Variants in L2HGDH observed in about 807,000 individuals in gnomAD.
L2HGDH encodes the protein L-2-hydroxyglutarate dehydrogenase.
A neutral mutation model predicts 51.5 loss-of-function variants in L2HGDH; 34 were observed. The observed-to-expected ratio is 0.66, with a 90% CI of 0.50 to 0.88. L2HGDH has a LOEUF of 0.88. Ranked by LOEUF, L2HGDH falls within the 40% of genes least tolerant of loss-of-function variation. The pLI, the probability that L2HGDH is intolerant of heterozygous loss-of-function variation, is 0.00. For missense variants in L2HGDH, 558 were observed against 571.9 expected, an observed-to-expected ratio of 0.98 and a Z score of 0.25; for synonymous variants, 198 against 197.9, an observed-to-expected ratio of 1.00 and a Z score of -0.01.
chr14:50,291,248 T>C (rs1156770420), intron 4 of L2HGDH, among the ~76,000 whole-genome samples: 1 of 151,026 alleles, frequency 6.6e-6, no homozygotes, highest in Admixed American at 6.6e-5. Flanking sequence ...TTTTTAGTTT[T>C]CAGGCCATAC....
rs746609687 is a variant in L2HGDH, at chr14:50,267,923, C to T, written c.907-13G>A. ...GGCTATCTGGGACCTATAAATTTAA[C>T]ATAGTAAATAACAGCCTCATTTCAC... On this transcript the variant is annotated splice_polypyrimidine_tract_variant and intron_variant, in intron 7 of 9. Coordinates refer to ENST00000267436, the MANE Select transcript of L2HGDH (RefSeq NM_024884.3). The T allele has an allele frequency of 1.4e-5, 22 of 1,612,376 alleles. No individual in the cohort carries two copies. Among genetic ancestry groups the T allele is most frequent in the Non-Finnish European group, 1.6e-5 (19 of 1,178,552 alleles).
chr14:50,287,079 C>G, intron 4 of L2HGDH: 2 of 613,620 alleles, frequency 3.3e-6, no homozygotes, highest in Non-Finnish European at 4.1e-6. Flanking sequence ...GCTGTGTGAC[C>G]CTGGGAAAGT....
chr14:50,270,492 T>G (rs1889608441), intron 6 of L2HGDH, among the ~76,000 whole-genome samples: 1 of 150,628 alleles, frequency 6.6e-6, no homozygotes, highest in African/African-American at 2.4e-5. Context: ...GCCTTACTGT[T>G]TTGTTGTTGT....
chr14:50,293,342 C>G (rs184271356), intron 4 of L2HGDH: 146 of 690,662 alleles, frequency 2.1e-4, no homozygotes, highest in Admixed American at 1.5e-3. Flanking sequence ...AAAATCAATT[C>G]CAAATGGACT....
At chr14:50,278,240 T>C (rs538505013) in intron 6 of L2HGDH, among the ~76,000 whole-genome samples, 148 of 152,302 alleles carry the variant, frequency 9.7e-4, no homozygotes, top group Non-Finnish European at 1.7e-3. Flanking sequence ...TTAGTGGAGA[T>C]CAGTAGATAG....
chr14:50,271,405 A>G (rs965167195), intron 6 of L2HGDH, among the ~76,000 whole-genome samples: 25 of 152,228 alleles, frequency 1.6e-4, no homozygotes, highest in African/African-American at 6.0e-4. Flanking sequence ...ACAGTTCCCA[A>G]GAAAGAAATT....
chr14:50,298,043 A>G (rs1379004746), intron 3 of L2HGDH, among the ~76,000 whole-genome samples: 1 of 152,102 alleles, frequency 6.6e-6, no homozygotes, highest in Non-Finnish European at 1.5e-5. Flanking sequence ...CAGGAGTTTA[A>G]GACCAGCCTA....
In L2HGDH at chr14:50,267,666, C is replaced by T. The variant is rs1246144390; in HGVS notation, c.1064+87G>A. On this transcript the variant is annotated intron_variant, in intron 8 of 9. Transcript: ENST00000267436. ...ACCAATCACAAATATGGGGATTTAC[C>T]CAATAAGTAGAGTATCAAGAAAGAC... 9.8e-6 allele frequency: 10 copies of T among 1,017,558 alleles called. 1 individual carries two copies. The South Asian group carries it at 1.4e-4, about 14-fold the overall frequency. 63.0% of individuals were successfully genotyped at this position (1,017,558 alleles called of 1,614,324 possible). A position where few individuals can be genotyped will look rare whatever the true frequency, so the allele number is the denominator to read the frequency against.
Position 50,284,061 on chromosome 14 carries a change from G to A in L2HGDH, c.541-28C>T, listed in dbSNP as rs10135842. ...GAAACAGAATTATGAAAAGATAACAGATAAGAGAAATAATACTTGCTAAAT... is the reference window on the plus strand; with the variant it reads ...GAAACAGAATTATGAAAAGATAACAAATAAGAGAAATAATACTTGCTAAAT... On this transcript the variant is annotated intron_variant, in intron 4 of 9. Coordinates refer to ENST00000267436, the MANE Select transcript of L2HGDH (RefSeq NM_024884.3). 214,346 of 1,595,636 alleles carry A rather than the reference G, an allele frequency of 0.13. 16,767 individuals are homozygous for A. Among genetic ancestry groups the A allele is most frequent in the African/African-American group, 0.3 (22,311 of 74,436 alleles).
intron 3 of L2HGDH, among the ~76,000 whole-genome samples, chr14:50,295,499 C>T (rs1267096065): frequency 2.6e-5 from 4 of 151,872 alleles, no homozygotes; most frequent in East Asian, 1.9e-4. Flanking sequence ...CTCGACTTCC[C>T]GAGCTCAGGT....
intron 3 of L2HGDH, among the ~76,000 whole-genome samples, chr14:50,296,189 T>C (rs1041710811): frequency 2.0e-5 from 3 of 151,626 alleles, no homozygotes; most frequent in African/African-American, 7.3e-5. Context: ...CTGGGCAACA[T>C]AGCAAAACCT....
At chr14:50,303,777 G>A (rs2030561448) in intron 1 of L2HGDH, among the ~76,000 whole-genome samples, 1 of 110,340 alleles carries the variant, frequency 9.1e-6, no homozygotes, top group Non-Finnish European at 1.7e-5. Context: ...GCCAGACCCT[G>A]TCTCAAAAAA....
In L2HGDH at chr14:50,243,116, A is replaced by G. The variant is rs1887863955; in HGVS notation, c.*3942T>C. On this transcript the variant is annotated 3_prime_UTR_variant, in exon 10 of 10. Transcript: ENST00000267436. ...GCCTCAGGGAAAGTGGAATTCTGCCAACAGTAAAGGCAACTCCCCAAACAG... is the reference window on the plus strand; with the variant it reads ...GCCTCAGGGAAAGTGGAATTCTGCCGACAGTAAAGGCAACTCCCCAAACAG... 2 of 985,474 alleles carry G rather than the reference A, an allele frequency of 2.0e-6. No homozygotes were observed. The highest frequency in any genetic ancestry group is 2.4e-6 in the Non-Finnish European group (2 of 829,938). 61.0% of individuals were successfully genotyped at this position (985,474 alleles called of 1,614,324 possible).
At chr14:50,269,022 A>G in intron 7 of L2HGDH, 141 bp downstream of exon 7, 1 of 709,846 alleles carries the variant, frequency 1.4e-6, no homozygotes, top group Non-Finnish European at 2.4e-6. Context: ...GGATTTAACC[A>G]CAAGAGAAAC....
intron 6 of L2HGDH, among the ~76,000 whole-genome samples, chr14:50,271,768 A>G (rs144523736): frequency 1.3e-3 from 203 of 152,322 alleles, no homozygotes; most frequent in Admixed American, 2.5e-3. Context: ...TTGCTCTTTC[A>G]TAAGTGAAGC....
chr14:50,276,443 T>C (rs1431860792), intron 6 of L2HGDH, among the ~76,000 whole-genome samples: 2 of 144,690 alleles, frequency 1.4e-5, no homozygotes, highest in South Asian at 2.3e-4. Flanking sequence ...TTTATTCCCA[T>C]TGCTATAGAT....
intron 2 of L2HGDH, among the ~76,000 whole-genome samples, chr14:50,302,624 T>C (rs2030480293): frequency 6.6e-6 from 1 of 152,224 alleles, no homozygotes; most frequent in African/African-American, 2.4e-5. Flanking sequence ...CTTGATGTGT[T>C]CTCATGTCTT....
intron 1 of L2HGDH, among the ~76,000 whole-genome samples, chr14:50,306,671 CGT>C (rs1566542605): frequency 6.7e-6 from 1 of 148,404 alleles, no homozygotes; most frequent in East Asian, 2.0e-4. Context: ...CTGGCTGCTG[CGT>C]GTTGGTGGAT....
chr14:50,247,110 A>G lies in L2HGDH; in HGVS notation c.1340T>C (p.Ile447Thr). 1 of 1,613,912 alleles carries G rather than the reference A, an allele frequency of 6.2e-7. No individual in the cohort carries two copies. Among genetic ancestry groups the G allele is most frequent in the Non-Finnish European group, 8.5e-7 (1 of 1,179,762 alleles). The change falls in exon 10 of 10, where the codon ATT (isoleucine) becomes ACT (threonine). Residue 447 changes from isoleucine (I) to threonine (T), a missense_variant. Transcript: ENST00000267436. ...NAPSPAATSS[I>T]AISGMIADEV... ...ATCTGCAATCATTCCAGAAATTGCA[A>G]TGGAAGAAGTAGCAGCAGGAGAAGG...
Sources: allele counts gnomAD v4.1 joint callset (sites outside exome capture counted in the v4.1 genomes callset), GRCh38; gene constraint gnomAD v4.1.1; transcripts MANE v1.5; gene names NCBI Gene and HGNC (gene_info 2026-07-23, HGNC 2026-07-21).